Variants in USP14 observed in about 807,000 individuals in gnomAD.
USP14 encodes the protein ubiquitin specific peptidase 14, also known as ubiquitin carboxyl-terminal hydrolase 14.
A neutral mutation model predicts 76.5 loss-of-function variants in USP14; 38 were observed. That is an observed-to-expected ratio of 0.50 (90% confidence interval 0.38 to 0.65). The LOEUF (loss-of-function observed/expected upper bound fraction) is 0.65, where lower values mean the gene tolerates loss of function less well. Among genes scored for constraint, USP14 ranks in the 30% least tolerant of loss-of-function variants. USP14 has a pLI of 0.00. For missense variants in USP14, 467 were observed against 586.5 expected, an observed-to-expected ratio of 0.80 and a Z score of 2.10; for synonymous variants, 192 against 191.7, an observed-to-expected ratio of 1.00 and a Z score of -0.01.
Position 214,375 on chromosome 18 carries a change from A to AAAT in USP14, c.*3093_*3095dup. The AAAT allele has an allele frequency of 2.6e-6, 1 of 391,736 alleles. No individual in the cohort carries two copies. Among genetic ancestry groups the AAAT allele is most frequent in the Admixed American group, 4.2e-5 (1 of 23,794 alleles). 24.3% of individuals were successfully genotyped at this position (391,736 alleles called of 1,614,324 possible). A position where few individuals can be genotyped will look rare whatever the true frequency, so the allele number is the denominator to read the frequency against. ...AATAGTGCTTATTTAACTTCATTATAAATACATCTACTTAACAAAAAAATA... is the reference window on the plus strand; with the variant it reads ...AATAGTGCTTATTTAACTTCATTATAAATAATACATCTACTTAACAAAAAAATA... On this transcript the variant is annotated 3_prime_UTR_variant, in exon 16 of 16. Coordinates refer to ENST00000261601, the MANE Select transcript of USP14 (RefSeq NM_005151.4).
At chr18:193,674 T>C (rs1299488952) in intron 6 of USP14, among the ~76,000 whole-genome samples, 1 of 152,240 alleles carries the variant, frequency 6.6e-6, no homozygotes, top group Non-Finnish European at 1.5e-5. Flanking sequence ...TTACTCTAAA[T>C]GGAATTAAAT....
intron 10 of USP14, among the ~76,000 whole-genome samples, chr18:202,100 C>T (rs1353888738): frequency 6.6e-6 from 1 of 152,096 alleles, no homozygotes; most frequent in South Asian, 2.1e-4. Flanking sequence ...ATTCTAATTT[C>T]TTTTTTGTTT....
intron 14 of USP14, 45 bp from the exon 15 acceptor site, chr18:210,341 T>C (rs1910637435): frequency 5.8e-6 from 8 of 1,370,270 alleles, no homozygotes; most frequent in Non-Finnish European, 8.1e-6. Context: ...AGAAGGCACA[T>C]GTCTATTCAT....
At chr18:181,347 C>G (rs189695121) in intron 5 of USP14, among the ~76,000 whole-genome samples, 5 of 152,310 alleles carry the variant, frequency 3.3e-5, no homozygotes, top group Admixed American at 2.6e-4. Context: ...CCAATATTGT[C>G]TGTCTTTGAT....
At chr18:174,221 A>G (rs1909558580) in intron 3 of USP14, among the ~76,000 whole-genome samples, 1 of 151,682 alleles carries the variant, frequency 6.6e-6, no homozygotes, top group African/African-American at 2.4e-5. Flanking sequence ...GTTGGGACTT[A>G]CACATATTTT....
At chr18:160,916 G>A (rs966783194) in intron 1 of USP14, among the ~76,000 whole-genome samples, 4 of 151,928 alleles carry the variant, frequency 2.6e-5, no homozygotes, top group East Asian at 1.9e-4. Context: ...AAGCCTTTAC[G>A]TATTTTATTT....
chr18:184,080 C>T (rs1909860476), intron 5 of USP14, among the ~76,000 whole-genome samples: 2 of 152,008 alleles, frequency 1.3e-5, no homozygotes, highest in South Asian at 2.1e-4. Flanking sequence ...AGATTTCATC[C>T]TATGTGGTTC....
At chr18:196,993 C>T (rs34496489) in intron 7 of USP14, among the ~76,000 whole-genome samples, 1 of 152,048 alleles carries the variant, frequency 6.6e-6, no homozygotes, top group Admixed American at 6.6e-5. Context: ...TTTAAAATGA[C>T]GATAGGATTA....
intron 6 of USP14, 145 bp from the exon 7 acceptor site, chr18:196,492 C>T: frequency 3.6e-6 from 3 of 836,764 alleles, no homozygotes; most frequent in South Asian, 4.2e-5. Context: ...CCACTGCACT[C>T]CAGCCTGGGC....
Position 196,744 on chromosome 18 carries a change from G to C in USP14, c.571G>C (p.Glu191Gln). The change falls in exon 7 of 16, where the codon GAA (glutamate) becomes CAA (glutamine). Residue 191 changes from glutamate (E) to glutamine (Q), a missense_variant. Transcript: ENST00000261601. Reference protein sequence around the residue: ...MAFPQFAEKGEQGQYLQQDAN... With the variant: ...MAFPQFAEKGQQGQYLQQDAN... ...TTTCCCACAGTTTGCCGAGAAAGGTGAACAAGGACAGTATCTTCAACAGGT... is the reference window on the plus strand; with the variant it reads ...TTTCCCACAGTTTGCCGAGAAAGGTCAACAAGGACAGTATCTTCAACAGGT... 1 of 1,614,002 alleles carries C rather than the reference G, an allele frequency of 6.2e-7. No individual in the cohort carries two copies. Among genetic ancestry groups the C allele is most frequent in the South Asian group, 1.1e-5 (1 of 91,054 alleles).
In USP14 at chr18:180,247, A is replaced by G. The variant is rs1567829434; in HGVS notation, c.312A>G (p.Pro104=). 2 of 1,536,504 alleles carry G rather than the reference A, an allele frequency of 1.3e-6. No homozygotes were observed. Among genetic ancestry groups the G allele is most frequent in the Non-Finnish European group, 8.7e-7 (1 of 1,149,068 alleles). ...EEQLASAMEL[P]CGLTNLGNTC... is the part of the protein sequence containing the mutation. ...TTTTTTCCAACTAGATGGAGTTACC[A>G]TGTGGATTGACAAACCTTGGTAACA... The change falls in exon 5 of 16, where the codon CCA becomes CCG. Residue 104 remains proline (P), a synonymous_variant. Transcript: ENST00000261601.
At chr18:207,029 T>C (rs1446661138) in intron 13 of USP14, among the ~76,000 whole-genome samples, 3 of 146,698 alleles carry the variant, frequency 2.0e-5, no homozygotes, top group African/African-American at 7.3e-5. Context: ...TTGTTTTGCA[T>C]GTGAATATCT....
At chr18:210,290 T>A in intron 14 of USP14, 96 bp from the exon 15 acceptor site, 1 of 915,178 alleles carries the variant, frequency 1.1e-6, no homozygotes, top group Non-Finnish European at 1.7e-6. Context: ...GATAATACTT[T>A]CGTAATGTGA....
chr18:176,826 A>G (rs1909641135), intron 3 of USP14, among the ~76,000 whole-genome samples: 3 of 152,110 alleles, frequency 2.0e-5, no homozygotes, highest in East Asian at 3.8e-4. Flanking sequence ...GAGAGCTGAT[A>G]GTATGTTTTT....
intron 5 of USP14, among the ~76,000 whole-genome samples, chr18:190,245 T>G (rs912230109): frequency 2.6e-5 from 4 of 152,220 alleles, no homozygotes; most frequent in African/African-American, 9.6e-5. Context: ...AAATATACTC[T>G]GAATATTCTA....
chr18:170,142 T>TAAAAATAG (rs1909401664), intron 3 of USP14, among the ~76,000 whole-genome samples: 1 of 151,546 alleles, frequency 6.6e-6, no homozygotes, highest in Non-Finnish European at 1.5e-5. Flanking sequence ...CTCCACTAAA[T>TAAAAATAG]AAAAATAGAA....
At chr18:208,856 A>G (rs9945792) in intron 13 of USP14, among the ~76,000 whole-genome samples, 22,805 of 152,034 alleles carry the variant, frequency 0.15, 1,946 homozygotes, top group African/African-American at 0.21. Flanking sequence ...AGCAATTCTC[A>G]TGCCTCAGCG....
intron 5 of USP14, among the ~76,000 whole-genome samples, chr18:182,992 A>G (rs926817255): frequency 6.6e-6 from 1 of 152,212 alleles, no homozygotes; most frequent in African/African-American, 2.4e-5. Context: ...TAAGCAGAGT[A>G]CTGACATTCA....
At position 158,598 on chromosome 18, in the gene USP14, C is replaced by T. The variant is rs1909016504; in HGVS notation, c.-101C>T. The T allele has an allele frequency of 4.5e-6, 6 of 1,331,782 alleles. No homozygotes were observed. The highest frequency in any genetic ancestry group is 5.1e-6 in the Non-Finnish European group (5 of 985,220). The allele number at this position is 1,331,782 out of a possible 1,614,324, so 82.5% of individuals were successfully genotyped here. Reference sequence around the variant, plus strand: ...ACCGAAGCCGCCGCCACCACCGCGCCTCCGCCTCGGCCGCCGCCGCAGCTG... The same window carrying T: ...ACCGAAGCCGCCGCCACCACCGCGCTTCCGCCTCGGCCGCCGCCGCAGCTG... On this transcript the variant is annotated 5_prime_UTR_variant, in exon 1 of 16. Coordinates refer to ENST00000261601, the MANE Select transcript of USP14 (RefSeq NM_005151.4).
Sources: allele counts gnomAD v4.1 joint callset (sites outside exome capture counted in the v4.1 genomes callset), GRCh38; gene constraint gnomAD v4.1.1; transcripts MANE v1.5; gene names NCBI Gene and HGNC (gene_info 2026-07-23, HGNC 2026-07-21).